LAMA1: variants seen among roughly 807,000 people sequenced by gnomAD.
LAMA1 encodes the protein laminin subunit alpha 1, also known as laminin subunit alpha-1.
A neutral mutation model predicts 348.7 loss-of-function variants in LAMA1; 219 were observed. The ratio of observed to expected loss-of-function variants is 0.63; its 90% CI spans 0.56 to 0.70. The LOEUF (loss-of-function observed/expected upper bound fraction) is 0.70, where lower values mean the gene tolerates loss of function less well. LAMA1 is among the 30% of genes least tolerant of loss of function. The pLI, the probability that LAMA1 is intolerant of heterozygous loss-of-function variation, is 0.00. For missense variants in LAMA1, 3,744 were observed against 3,888.0 expected (o/e 0.96, Z 0.99); for synonymous variants, 1,487 against 1,491.0 (o/e 1.00, Z 0.06).
chr18:7,108,480 G>A (rs1312539302), intron 1 of LAMA1, among the ~76,000 whole-genome samples: 1 of 151,740 alleles, frequency 6.6e-6, no homozygotes, highest in Non-Finnish European at 1.5e-5. Context: ...CGCCAACATG[G>A]TGAAACCCTG....
At chr18:7,036,680 A>G (rs982468701) in intron 12 of LAMA1, among the ~76,000 whole-genome samples, 2 of 152,246 alleles carry the variant, frequency 1.3e-5, no homozygotes, top group African/African-American at 4.8e-5. Flanking sequence ...TGATAAAATC[A>G]TATCAATAGA....
chr18:7,040,906 T>C (rs1396554968), intron 9 of LAMA1, among the ~76,000 whole-genome samples: 4 of 152,082 alleles, frequency 2.6e-5, no homozygotes, highest in Non-Finnish European at 2.9e-5. Flanking sequence ...AACCAACATA[T>C]ATGGTTCCAT....
intron 48 of LAMA1, 58 bp from the exon 49 acceptor site, chr18:6,966,355 A>G: frequency 6.7e-7 from 1 of 1,482,022 alleles, no homozygotes; most frequent in Non-Finnish European, 9.3e-7. Flanking sequence ...AAGAACCAAG[A>G]ACACACTTAC....
At chr18:7,094,426 CAAAAAAAAAAAAA>C (rs1194222301) in intron 1 of LAMA1, among the ~76,000 whole-genome samples, 2 of 63,418 alleles carry the variant, frequency 3.2e-5, no homozygotes, top group Non-Finnish European at 7.5e-5. Flanking sequence ...GACTCCGTCT[CAAAAAAAAAAAAA>C]AAAAAAAAAG....
chr18:6,994,679 A>G (rs1253382275), intron 34 of LAMA1, among the ~76,000 whole-genome samples: 1 of 137,148 alleles, frequency 7.3e-6, no homozygotes, highest in African/African-American at 2.6e-5. Context: ...ACAGACACAC[A>G]CACACACACA....
At chr18:7,008,209 G>A (rs2057842026) in intron 28 of LAMA1, among the ~76,000 whole-genome samples, 1 of 152,124 alleles carries the variant, frequency 6.6e-6, no homozygotes, top group South Asian at 2.1e-4. Context: ...AATGAGTGCA[G>A]AGTTTGCGTT....
At chr18:7,092,956 G>A (rs1444263864) in intron 1 of LAMA1, among the ~76,000 whole-genome samples, 1 of 152,088 alleles carries the variant, frequency 6.6e-6, no homozygotes, top group African/African-American at 2.4e-5. Context: ...CAATCGCATG[G>A]GGAAAACCTG....
At chr18:6,992,838 TC>T in intron 35 of LAMA1, 118 bp from the exon 36 acceptor site, 1 of 821,720 alleles carries the variant, frequency 1.2e-6, no homozygotes, top group Non-Finnish European at 2.0e-6. Flanking sequence ...GAGTTGGACC[TC>T]CATGTCAGGC....
chr18:7,046,426 T>G (rs1196602203), intron 5 of LAMA1, 59 bp from the exon 6 acceptor site: 4 of 986,170 alleles, frequency 4.1e-6, no homozygotes, highest in Non-Finnish European at 6.5e-6. Context: ...GAAATGAAAA[T>G]GTTGGCACAC....
At chr18:6,999,181 A>G (rs148637861) in intron 32 of LAMA1, among the ~76,000 whole-genome samples, 73 of 152,226 alleles carry the variant, frequency 4.8e-4, no homozygotes, top group African/African-American at 1.8e-3. Context: ...TAATGCCACT[A>G]AAGGAGAAAG....
At chr18:7,025,858 G>A (rs1044186407) in intron 17 of LAMA1, 121 bp downstream of exon 17, 140 of 1,379,668 alleles carry the variant, frequency 1.0e-4, no homozygotes, top group Non-Finnish European at 1.4e-4. Flanking sequence ...CAAATCAATT[G>A]TCACTGGGCA....
intron 62 of LAMA1, 53 bp downstream of exon 62, chr18:6,943,127 T>G: frequency 6.7e-7 from 1 of 1,498,562 alleles, no homozygotes; most frequent in Non-Finnish European, 9.3e-7. Flanking sequence ...GAACCAAGAC[T>G]TCCTCCAGGG....
chr18:7,103,764 A>G (rs2058300818), intron 1 of LAMA1, among the ~76,000 whole-genome samples: 1 of 150,658 alleles, frequency 6.6e-6, no homozygotes, highest in Non-Finnish European at 1.5e-5. Flanking sequence ...GGTTGCATTG[A>G]GCCGAGATTG....
At chr18:7,080,176 G>A in intron 2 of LAMA1, 89 bp from the exon 3 acceptor site, 1 of 1,559,392 alleles carries the variant, frequency 6.4e-7, no homozygotes, top group Non-Finnish European at 8.8e-7. Context: ...TGGAAACAAA[G>A]AGCAGTGAAG....
At chr18:6,966,112 T>C (rs774700963) in intron 49 of LAMA1, 35 bp downstream of exon 49, 14 of 1,611,668 alleles carry the variant, frequency 8.7e-6, no homozygotes, top group Middle Eastern at 3.4e-4. Flanking sequence ...AATGTGTGTA[T>C]ACAGTAGGGC....
chr18:7,046,298 G>C lies in LAMA1; in HGVS notation c.838C>G (p.Pro280Ala), dbSNP rs781466725. 1 of 1,610,406 alleles carries C rather than the reference G, an allele frequency of 6.2e-7. No individual in the cohort carries two copies. The highest frequency in any genetic ancestry group is 8.5e-7 in the Non-Finnish European group (1 of 1,177,214). ...CTCACCTTTGTAGTTTCATCCCATG[G>C]GCAGCTACTAGCATGGCCATAGCAG... is the stretch of plus-strand genomic sequence containing the variant. ...CICYGHASSC[P>A]WDETTKKLQC... The change falls in exon 6 of 63, where the codon CCA (proline) becomes GCA (alanine). Residue 280 changes from proline to alanine, a missense_variant. This residue lies in a region of LAMA1 where 1,529 missense variants were observed against 1,689.4 expected (regional missense o/e 0.91). Coordinates refer to ENST00000389658, the MANE Select transcript of LAMA1 (RefSeq NM_005559.4).
chr18:7,083,983 G>T (rs1489001436), intron 1 of LAMA1, among the ~76,000 whole-genome samples: 1 of 144,914 alleles, frequency 6.9e-6, no homozygotes, highest in Non-Finnish European at 1.5e-5. Context: ...TGAGGCAGGA[G>T]AATCACTTAA....
In LAMA1 at chr18:7,105,441, A is replaced by AAAATAAAT. The variant is rs762965770; in HGVS notation, c.61+12211_61+12218dup. Among the ~76,000 whole-genome samples the AAAATAAAT allele has an allele frequency of 1.4e-3, 208 of 144,358 alleles. 2 individuals carry two copies. The highest frequency in any genetic ancestry group is 6.9e-3 in the Middle Eastern group (2 of 290). The allele number at this position is 144,358 out of a possible 152,430, so 94.7% of individuals were successfully genotyped here. On this transcript the variant is annotated intron_variant, in intron 1 of 62. Coordinates refer to ENST00000389658, the MANE Select transcript of LAMA1 (RefSeq NM_005559.4). Reference sequence around the variant, plus strand: ...GCGACAGAGTGAGACTTCATCTCAAAAAATAAATAAATAAATAAATAAATA... The same window carrying AAAATAAAT: ...GCGACAGAGTGAGACTTCATCTCAAAAAATAAATAAATAAATAAATAAATAAATAAATA...
chr18:6,963,491 G>T (rs1462150704), intron 51 of LAMA1, among the ~76,000 whole-genome samples: 3 of 152,182 alleles, frequency 2.0e-5, no homozygotes, highest in Non-Finnish European at 2.9e-5. Flanking sequence ...TGTGTTCCCT[G>T]GGACTTTCTA....
Sources: allele counts gnomAD v4.1 joint callset (sites outside exome capture counted in the v4.1 genomes callset), GRCh38; gene constraint gnomAD v4.1.1; regional missense constraint gnomAD v4.1.1; transcripts MANE v1.5; gene names NCBI Gene and HGNC (gene_info 2026-07-23, HGNC 2026-07-21).